Variants in HMCN1 observed in about 807,000 individuals in gnomAD.
The protein encoded by HMCN1 is hemicentin 1.
HMCN1 carries 321 observed loss-of-function variants against 625.9 expected under a neutral mutation model. The ratio of observed to expected loss-of-function variants is 0.51; its 90% CI spans 0.47 to 0.56. The LOEUF is 0.56. Ranked by LOEUF, HMCN1 falls within the 20% of genes least tolerant of loss-of-function variation. The pLI, the probability that HMCN1 is intolerant of heterozygous loss-of-function variation, is 0.00. For synonymous variants in HMCN1, 2,425 were observed against 2,417.6 expected, an observed-to-expected ratio of 1.00 and a Z score of -0.09; for missense variants, 6,588 against 6,887.3, an observed-to-expected ratio of 0.96 and a Z score of 1.54.
intron 99 of HMCN1, 140 bp from the exon 100 acceptor site, chr1:186,166,668 C>A: frequency 8.5e-7 from 1 of 1,179,938 alleles, no homozygotes; most frequent in Non-Finnish European, 1.2e-6. Flanking sequence ...CCTGATGTGA[C>A]TCAACCAAAA....
At position 186,117,548 on chromosome 1, in the gene HMCN1, T is replaced by G; in HGVS notation, c.11773T>G (p.Phe3925Val). The G allele has an allele frequency of 6.2e-7, 1 of 1,613,868 alleles. No individual in the cohort carries two copies. The highest frequency in any genetic ancestry group is 8.5e-7 in the Non-Finnish European group (1 of 1,179,830). Reference protein sequence around the residue: ...VITCTASGVPFPSIHWTKNGI... With the variant: ...VITCTASGVPVPSIHWTKNGI... ...TACCTGCACTGCTTCGGGAGTTCCA[T>G]TTCCCTCAATTCACTGGACCAAAAA... The change falls in exon 77 of 107, where the codon TTT becomes GTT. Residue 3925 changes from phenylalanine to valine, a missense_variant. This residue lies in a region of HMCN1 where 4,628 missense variants were observed against 4,853.1 expected (regional missense o/e 0.95). Coordinates refer to ENST00000271588, the MANE Select transcript of HMCN1 (RefSeq NM_031935.3).
intron 57 of HMCN1, among the ~76,000 whole-genome samples, chr1:186,085,230 T>C (rs888477276): frequency 1.3e-5 from 2 of 152,166 alleles, no homozygotes; most frequent in Non-Finnish European, 2.9e-5. Flanking sequence ...TGTCTTGGTC[T>C]GCTCAGGCTG....
intron 91 of HMCN1, 149 bp downstream of exon 91, chr1:186,144,852 T>A: frequency 1.1e-6 from 1 of 933,154 alleles, no homozygotes; most frequent in Non-Finnish European, 1.7e-6. Context: ...CATGTCTGTA[T>A]AATACCCTAG....
Position 185,874,786 on chromosome 1 carries a change from T to C in HMCN1, c.621+8923T>C, listed in dbSNP as rs79165593. On this transcript the variant is annotated intron_variant, in intron 4 of 106. Transcript: ENST00000271588. The stretch of plus-strand genomic sequence containing the variant: ...GAAATTTATTTACTTTAAAATATGA[T>C]TGTTGGGTTATTTCATTAAATTCTT... Among the ~76,000 whole-genome samples, 1,238 of 152,036 alleles carry C rather than the reference T, an allele frequency of 8.1e-3. 20 individuals carry two copies. Among genetic ancestry groups the C allele is most frequent in the African/African-American group, 0.028 (1,182 of 41,544 alleles).
At chr1:185,831,323 A>C in intron 1 of HMCN1, among the ~76,000 whole-genome samples, 1 of 152,298 alleles carries the variant, frequency 6.6e-6, no homozygotes, top group African/African-American at 2.4e-5. Context: ...ATTTAACAAA[A>C]TTAGTGTTAA....
chr1:186,033,141 T>C (rs1655585566), intron 36 of HMCN1, among the ~76,000 whole-genome samples: 1 of 152,006 alleles, frequency 6.6e-6, no homozygotes, highest in African/African-American at 2.4e-5. Context: ...TAATGTCTTT[T>C]GCAGCAACTT....
chr1:186,157,710 G>A lies in HMCN1; in HGVS notation c.15256+3723G>A, dbSNP rs946109463. On this transcript the variant is annotated intron_variant, in intron 97 of 106. Coordinates refer to ENST00000271588, the MANE Select transcript of HMCN1 (RefSeq NM_031935.3). ...GCGGTGTTTGGTTTTTTGTTCTTGC[G>A]ATAGTTTACTGAGAATGATGATTTC... 5.3e-5 allele frequency among the ~76,000 whole-genome samples: 8 copies of A among 152,040 alleles called. No homozygotes were observed. The East Asian group carries it at 5.8e-4, about 11-fold the overall frequency.
In HMCN1 at chr1:185,863,835, T is replaced by A. The variant is rs1232043739; in HGVS notation, c.340-635T>A. ...AGAATGACAAACAGAATGCATTTTA[T>A]GTCAGATAGTCAGGGAAAGTTTCTC... On this transcript the variant is annotated intron_variant, in intron 2 of 106. Coordinates refer to ENST00000271588, the MANE Select transcript of HMCN1 (RefSeq NM_031935.3). Among the ~76,000 whole-genome samples the A allele has an allele frequency of 3.3e-5, 5 of 152,230 alleles. No individual in the cohort carries two copies. In the East Asian group the frequency reaches 9.6e-4, roughly 29 times the overall value.
chr1:186,001,769 A>G (rs760289572), intron 28 of HMCN1, 28 bp downstream of exon 28: 2 of 1,588,344 alleles, frequency 1.3e-6, no homozygotes, highest in African/African-American at 1.3e-5. Flanking sequence ...TTAAAAAACT[A>G]CAATTCAGAA....
chr1:185,806,732 G>A (rs1355221787), intron 1 of HMCN1, among the ~76,000 whole-genome samples: 1 of 151,916 alleles, frequency 6.6e-6, no homozygotes, highest in Non-Finnish European at 1.5e-5. Context: ...GCCTTTTTGA[G>A]TTTGAAAATT....
intron 86 of HMCN1, among the ~76,000 whole-genome samples, chr1:186,133,909 G>T (rs1285044556): frequency 6.9e-6 from 1 of 144,986 alleles, no homozygotes; most frequent in Admixed American, 7.0e-5. Context: ...TTTCTTTACT[G>T]CAGATTTTCC....
Position 185,812,799 on chromosome 1 carries a change from TC to T in HMCN1, c.269-33219del, listed in dbSNP as rs1003540608. Reference sequence around the variant, plus strand: ...GGAATATACATACATATGTTTGCAATCCCCCCCCACACACATTCCCCTCATT... The same window carrying T: ...GGAATATACATACATATGTTTGCAATCCCCCCCACACACATTCCCCTCATT... On this transcript the variant is annotated intron_variant, in intron 1 of 106. Coordinates refer to ENST00000271588, the MANE Select transcript of HMCN1 (RefSeq NM_031935.3). Among the ~76,000 whole-genome samples the T allele has an allele frequency of 5.4e-5, 8 of 148,650 alleles. No homozygotes were observed. The East Asian group carries it at 1.2e-3, about 22-fold the overall frequency.
intron 82 of HMCN1, 63 bp from the exon 83 acceptor site, chr1:186,128,015 A>G: frequency 1.5e-6 from 2 of 1,353,754 alleles, no homozygotes; most frequent in Admixed American, 1.7e-5. Context: ...ATGCAATTTG[A>G]TGTATTTTAT....
At chr1:186,004,734 T>C (rs551633958) in intron 29 of HMCN1, among the ~76,000 whole-genome samples, 5 of 152,164 alleles carry the variant, frequency 3.3e-5, no homozygotes, top group South Asian at 4.2e-4. Context: ...CTGTTAAAAT[T>C]TGATGCACAT....
At chr1:186,090,975 G>A in intron 64 of HMCN1, 58 bp downstream of exon 64, 1 of 1,498,914 alleles carries the variant, frequency 6.7e-7, no homozygotes, top group Middle Eastern at 1.7e-4. Context: ...AATGCTTTAT[G>A]CTTCAAATTT....
intron 10 of HMCN1, 100 bp from the exon 11 acceptor site, chr1:185,933,449 C>A: frequency 8.7e-7 from 1 of 1,148,254 alleles, no homozygotes; most frequent in Non-Finnish European, 1.3e-6. Context: ...ATCTTTCCTA[C>A]TGGATGTTCA....
At chr1:186,052,007 G>T (rs1230318316) in intron 42 of HMCN1, among the ~76,000 whole-genome samples, 3 of 152,004 alleles carry the variant, frequency 2.0e-5, no homozygotes, top group African/African-American at 4.8e-5. Context: ...TGAGTAGACA[G>T]AGTATTTAGA....
Position 186,057,316 on chromosome 1 carries a change from A to T in HMCN1, c.7227A>T (p.Glu2409Asp), listed in dbSNP as rs1250654599. 3 of 1,610,292 alleles carry T rather than the reference A, an allele frequency of 1.9e-6. No individual in the cohort carries two copies. The African/African-American group carries it at 4.0e-5, about 22-fold the overall frequency. The change falls in exon 46 of 107, where the codon GAA becomes GAT. Residue 2409 changes from glutamate to aspartate, a missense_variant. Transcript: ENST00000271588. ...AGAACTCAGTATCTTTGACTTGTGA[A>T]GCTTCTGGAATTCCCCTGCCTTCCA... ...VEKNSVSLTC[E>D]ASGIPLPSIT...
intron 68 of HMCN1, among the ~76,000 whole-genome samples, chr1:186,100,419 T>C (rs1442973763): frequency 6.6e-6 from 1 of 152,086 alleles, no homozygotes; most frequent in Non-Finnish European, 1.5e-5. Context: ...GGTATCATGG[T>C]ATAGTGGTTC....
Sources: gnomAD v4.1 joint callset for allele counts (sites outside exome capture counted in the v4.1 genomes callset) on GRCh38, gnomAD v4.1.1 for gene constraint, gnomAD v4.1.1 regional missense constraint, MANE v1.5 for transcripts, NCBI Gene and HGNC (gene_info 2026-07-23, HGNC 2026-07-21) for gene names.